AARS1: variants seen among roughly 807,000 people sequenced by gnomAD.
AARS1 encodes the protein alanyl-tRNA synthetase 1.
In AARS1, 72 loss-of-function variants were observed where a neutral mutation model predicts 108.9. That is an observed-to-expected ratio of 0.66 (90% CI 0.55 to 0.80). The LOEUF (loss-of-function observed/expected upper bound fraction) is 0.80, where lower values mean the gene tolerates loss of function less well. Among genes scored for constraint, AARS1 ranks in the 30% least tolerant of loss-of-function variants. The probability of loss-of-function intolerance (pLI) is 0.00; values close to 1 mark genes in which losing one functional copy is unlikely to be tolerated. For synonymous variants in AARS1, 489 were observed against 465.7 expected (o/e 1.05, Z -0.64); for missense variants, 1,193 against 1,233.2 (o/e 0.97, Z 0.49).
In AARS1 at chr16:70,258,951, G is replaced by C. The variant is rs373852619; in HGVS notation, c.1992+29C>G. The C allele has an allele frequency of 2.1e-5, 34 of 1,602,744 alleles. No individual in the cohort carries two copies. The East Asian group carries it at 2.7e-4, about 13-fold the overall frequency. The stretch of plus-strand genomic sequence containing the variant: ...GGACAGACAGTGACGGTGTGGGGAG[G>C]GGGGGCATTCAGCCGTCGCCCATCC... On this transcript the variant is annotated intron_variant, in intron 14 of 20. Coordinates refer to ENST00000261772, the MANE Select transcript of AARS1 (RefSeq NM_001605.3).
At chr16:70,272,047 A>G in intron 4 of AARS1, 75 bp from the exon 5 acceptor site, 1 of 1,415,496 alleles carries the variant, frequency 7.1e-7, no homozygotes, top group East Asian at 2.3e-5. Flanking sequence ...CCACCGCAAA[A>G]GAAATTCTTA....
intron 14 of AARS1, among the ~76,000 whole-genome samples, 166 bp downstream of exon 14, chr16:70,258,814 C>G (rs1256044708): frequency 1.3e-5 from 2 of 152,198 alleles, no homozygotes; most frequent in African/African-American, 2.4e-5. Context: ...CTCGGCCTCC[C>G]AAAGTGCTGG....
At chr16:70,288,133 C>A (rs1317046569) in intron 1 of AARS1, among the ~76,000 whole-genome samples, 2 of 123,924 alleles carry the variant, frequency 1.6e-5, no homozygotes, top group Non-Finnish European at 3.2e-5. Flanking sequence ...GACGGAGTCT[C>A]GCTCTGTTGC....
chr16:70,253,907 G>A lies in AARS1; in HGVS notation c.2520+12C>T. 5 of 1,614,224 alleles carry A rather than the reference G, an allele frequency of 3.1e-6. No individual in the cohort carries two copies. Among genetic ancestry groups the A allele is most frequent in the Non-Finnish European group, 3.4e-6 (4 of 1,180,026 alleles). On this transcript the variant is annotated intron_variant, in intron 18 of 20. Coordinates refer to ENST00000261772, the MANE Select transcript of AARS1 (RefSeq NM_001605.3). ...AGGAAACACTCTGGCCACTGGTGCTGCCAGGACTCACTCGTTTCTGGACAT... is the reference window on the plus strand; with the variant it reads ...AGGAAACACTCTGGCCACTGGTGCTACCAGGACTCACTCGTTTCTGGACAT...
Position 70,253,706 on chromosome 16 carries a change from T to G in AARS1, c.2607+8A>C. On this transcript the variant is annotated splice_region_variant and intron_variant, in intron 19 of 20. Transcript: ENST00000261772. Reference sequence around the variant, plus strand: ...CCCTAGGGGAGGGGACCCTGGCCCCTGGGTTGCCTTGGCTGAGGCGCCGCT... The same window carrying G: ...CCCTAGGGGAGGGGACCCTGGCCCCGGGGTTGCCTTGGCTGAGGCGCCGCT... 1 of 1,613,416 alleles carries G rather than the reference T, an allele frequency of 6.2e-7. No homozygotes were observed. The highest frequency in any genetic ancestry group is 2.2e-5 in the East Asian group (1 of 44,892).
intron 5 of AARS1, 105 bp downstream of exon 5, chr16:70,271,676 G>C: frequency 8.5e-7 from 1 of 1,172,704 alleles, no homozygotes; most frequent in Non-Finnish European, 1.2e-6. Flanking sequence ...GGTAATCTGA[G>C]AAATAAAGAA....
At chr16:70,265,132 C>T in intron 10 of AARS1, 30 bp from the exon 11 acceptor site, 1 of 1,613,558 alleles carries the variant, frequency 6.2e-7, no homozygotes, top group Non-Finnish European at 8.5e-7. Context: ...GCATAAGTTA[C>T]CGTAAAGTAG....
rs771478786 is a variant in AARS1 at position 70,261,065 on chromosome 16, C to G, written c.1764G>C (p.Gln588His). ...TIYGDLKVGD[Q>H]VWLFIDEPRR... ...TCACCTCATCAATAAACAGCCAGAC[C>G]TGATCCCCCACTTTCAGGTCACCGT... is the stretch of plus-strand genomic sequence containing the variant. The change falls in exon 13 of 21, where the codon CAG becomes CAC. Residue 588 changes from glutamine to histidine, a missense_variant. Gln to His is a conservative substitution (Grantham distance 24). Coordinates refer to ENST00000261772, the MANE Select transcript of AARS1 (RefSeq NM_001605.3). 21 of 1,613,592 alleles carry G rather than the reference C, an allele frequency of 1.3e-5. No homozygotes were observed. Among genetic ancestry groups the G allele is most frequent in the Admixed American group, 8.3e-5 (5 of 59,968 alleles).
intron 13 of AARS1, among the ~76,000 whole-genome samples, chr16:70,259,958 G>A (rs1437142940): frequency 1.3e-5 from 2 of 152,050 alleles, no homozygotes; most frequent in African/African-American, 4.8e-5. Context: ...TTTTAGTAGA[G>A]ACAGGGTTTC....
rs753863962 is a variant in AARS1, at chr16:70,261,102, A to G, written c.1727T>C (p.Ile576Thr). 4 of 1,613,920 alleles carry G rather than the reference A, an allele frequency of 2.5e-6. No individual in the cohort carries two copies. The highest frequency in any genetic ancestry group is 2.2e-5 in the East Asian group (1 of 44,886). The change falls in exon 13 of 21, where the codon ATT becomes ACT. Residue 576 changes from isoleucine (I) to threonine (T), a missense_variant. Coordinates refer to ENST00000261772, the MANE Select transcript of AARS1 (RefSeq NM_001605.3). ...AQVRGGYVLH[I>T]GTIYGDLKVG... is the part of the protein sequence containing the mutation. ...TTTCAGGTCACCGTAGATGGTTCCAATGTGTAGCACATACCCTCCTCGGAC... is the reference window on the plus strand; with the variant it reads ...TTTCAGGTCACCGTAGATGGTTCCAGTGTGTAGCACATACCCTCCTCGGAC...
At chr16:70,278,848 C>T (rs1189978508) in intron 2 of AARS1, among the ~76,000 whole-genome samples, 4 of 151,868 alleles carry the variant, frequency 2.6e-5, no homozygotes. Flanking sequence ...GGCAATATGG[C>T]ACAAAGGTTA....
At chr16:70,283,341 G>A (rs1473928450) in intron 1 of AARS1, among the ~76,000 whole-genome samples, 1 of 151,318 alleles carries the variant, frequency 6.6e-6, no homozygotes, top group African/African-American at 2.4e-5. Context: ...AGGTTGCAGT[G>A]AGCCAAGACC....
At chr16:70,287,743 A>C (rs1333855686) in intron 1 of AARS1, among the ~76,000 whole-genome samples, 1 of 152,078 alleles carries the variant, frequency 6.6e-6, no homozygotes. Context: ...ACCCTGACTC[A>C]AACAACAACA....
intron 13 of AARS1, among the ~76,000 whole-genome samples, chr16:70,259,674 G>A (rs1187786620): frequency 6.6e-6 from 1 of 151,942 alleles, no homozygotes; most frequent in Non-Finnish European, 1.5e-5. Flanking sequence ...TTGTAGAGAT[G>A]GGGTCTCATG....
intron 9 of AARS1, among the ~76,000 whole-genome samples, chr16:70,266,681 A>G (rs1206987213): frequency 6.6e-6 from 1 of 151,086 alleles, no homozygotes; most frequent in Non-Finnish European, 1.5e-5. Flanking sequence ...GCCATCATGC[A>G]TGGCTAATTT....
rs1183995121 is a variant in AARS1 at position 70,253,370 on chromosome 16, T to C, written c.2619A>G (p.Glu873=). 1 of 1,613,440 alleles carries C rather than the reference T, an allele frequency of 6.2e-7. No individual in the cohort carries two copies. Among genetic ancestry groups the C allele is most frequent in the Non-Finnish European group, 8.5e-7 (1 of 1,179,456 alleles). Reference sequence around the variant, plus strand: ...AGTGCATCTTGAAGAGCTTCAAGGCTTCATTCAGGGCCTGTGGGGAGGACC... The same window carrying C: ...AGTGCATCTTGAAGAGCTTCAAGGCCTCATTCAGGGCCTGTGGGGAGGACC... ...ESGASAKALN[E]ALKLFKMHSP... The change falls in exon 20 of 21, where the codon GAA becomes GAG. Residue 873 remains glutamate, a synonymous_variant. Coordinates refer to ENST00000261772, the MANE Select transcript of AARS1 (RefSeq NM_001605.3).
intron 14 of AARS1, 111 bp from the exon 15 acceptor site, chr16:70,258,328 G>A: frequency 4.1e-6 from 5 of 1,204,958 alleles, no homozygotes; most frequent in Non-Finnish European, 5.9e-6. Flanking sequence ...ACCTGGCTTG[G>A]CCTAGCACGT....
At chr16:70,261,218 T>C (rs1960124450) in intron 12 of AARS1, 61 bp from the exon 13 acceptor site, 1 of 1,268,280 alleles carries the variant, frequency 7.9e-7, no homozygotes, top group Non-Finnish European at 1.1e-6. Context: ...AATTTTCTTA[T>C]ATTTTCAATA....
chr16:70,259,280 G>A (rs908986006), intron 13 of AARS1, 94 bp from the exon 14 acceptor site: 2 of 1,284,490 alleles, frequency 1.6e-6, no homozygotes, highest in South Asian at 2.4e-5. Flanking sequence ...ATTTTTAGTT[G>A]GAAATATGGC....
Sources: allele counts gnomAD v4.1 joint callset (sites outside exome capture counted in the v4.1 genomes callset), GRCh38; gene constraint gnomAD v4.1.1; transcripts MANE v1.5; gene names NCBI Gene and HGNC (gene_info 2026-07-23, HGNC 2026-07-21).